PHC1: variants seen among roughly 807,000 people sequenced by gnomAD.
PHC1 encodes polyhomeotic homolog 1, also known as polyhomeotic-like protein 1.
PHC1 carries 12 observed loss-of-function variants against 104.3 expected under a neutral mutation model. The observed-to-expected ratio is 0.12, with a 90% CI of 0.07 to 0.19. The LOEUF is 0.19. PHC1 is among the 10% of genes least tolerant of loss of function. The pLI, the probability that PHC1 is intolerant of heterozygous loss-of-function variation, is 1.00. For synonymous variants in PHC1, 302 were observed against 455.8 expected (o/e 0.66, Z 4.30); for missense variants, 671 against 1,200.0 (o/e 0.56, Z 6.51).
rs959102241 is a variant in PHC1, at chr12:8,919,712, C to T, written c.115-44C>T. 1 of 1,554,292 alleles carries T rather than the reference C, an allele frequency of 6.4e-7. No individual in the cohort carries two copies. The highest frequency in any genetic ancestry group is 8.8e-7 in the Non-Finnish European group (1 of 1,135,452). ...TACAGTGATTTACATAGAATAGGAG[C>T]TAGGAGTGGTCCATTCTAAATGTTT... On this transcript the variant is annotated intron_variant, in intron 2 of 14. Coordinates refer to ENST00000544916, the MANE Select transcript of PHC1 (RefSeq NM_004426.3). The surrounding 1 kb of genome is among the most constrained non-coding windows in gnomAD (Gnocchi z 4.9).
intron 10 of PHC1, among the ~76,000 whole-genome samples, chr12:8,934,813 T>C (rs1945788360): frequency 6.6e-6 from 1 of 152,128 alleles, no homozygotes. Context: ...TGAGGTGTCT[T>C]GACTCCTAGT....
rs1260628721 is a variant in PHC1, at chr12:8,938,847, C to CA, written c.2861-457dup. Reference sequence around the variant, plus strand: ...TTTTGTTGTTGTTGTTGTTTTGAGACAGAGTCTTACTCTGTTGCCCAGGCT... The same window carrying CA: ...TTTTGTTGTTGTTGTTGTTTTGAGACAAGAGTCTTACTCTGTTGCCCAGGCT... On this transcript the variant is annotated intron_variant, in intron 14 of 14. Coordinates refer to ENST00000544916, the MANE Select transcript of PHC1 (RefSeq NM_004426.3). Among the ~76,000 whole-genome samples, 25 of 152,154 alleles carry CA rather than the reference C, an allele frequency of 1.6e-4. No homozygotes were observed. In the East Asian group the frequency reaches 2.1e-3, roughly 13 times the overall value.
rs76350835 is a variant in PHC1, at chr12:8,922,559, T to C, written c.457-74T>C. On this transcript the variant is annotated intron_variant, in intron 5 of 14. Coordinates refer to ENST00000544916, the MANE Select transcript of PHC1 (RefSeq NM_004426.3). ...ATCTTCTGTTTATTTTGTCTTGTGG[T>C]CCTTCCTTTCCATCTCTTCTGTCTC... is the stretch of plus-strand genomic sequence containing the variant. 446 of 1,313,868 alleles carry C rather than the reference T, an allele frequency of 3.4e-4. 1 individual carries two copies. In the African/African-American group the frequency reaches 6.0e-3, roughly 18 times the overall value. 81.4% of individuals were successfully genotyped at this position (1,313,868 alleles called of 1,614,324 possible). A position where few individuals can be genotyped will look rare whatever the true frequency, so the allele number is the denominator to read the frequency against.
In PHC1 at chr12:8,936,905, C is replaced by T. The variant is rs1238288090; in HGVS notation, c.2418C>T (p.Tyr806=). 7 of 1,612,812 alleles carry T rather than the reference C, an allele frequency of 4.3e-6. No individual in the cohort carries two copies. The highest frequency in any genetic ancestry group is 1.1e-5 in the South Asian group (1 of 90,986). ...TGAAGTGCGAGTACTGTGGGAAGTA[C>T]GCCCCCGCAGAGCAGTTTCGTGGCT... ...NLLKCEYCGK[Y]APAEQFRGSK... is the part of the protein sequence containing the mutation. The change falls in exon 12 of 15, where the codon TAC becomes TAT. Residue 806 remains tyrosine, a synonymous_variant. Coordinates refer to ENST00000544916, the MANE Select transcript of PHC1 (RefSeq NM_004426.3).
chr12:8,935,004 G>C (rs746513087), intron 10 of PHC1, 120 bp from the exon 11 acceptor site: 70 of 597,504 alleles, frequency 1.2e-4, no homozygotes, highest in Admixed American at 1.5e-4. Flanking sequence ...CTCTGAACCA[G>C]ACTTGGTCAT....
chr12:8,937,869 A>C lies in PHC1; in HGVS notation c.2669A>C (p.Tyr890Ser). The C allele has an allele frequency of 6.2e-7, 1 of 1,613,270 alleles. No individual in the cohort carries two copies. Among genetic ancestry groups the C allele is most frequent in the Non-Finnish European group, 8.5e-7 (1 of 1,179,288 alleles). ...DSSRGSDNSSYDEALSPTSPG... is the reference protein window; with the variant it reads ...DSSRGSDNSSSDEALSPTSPG... The stretch of plus-strand genomic sequence containing the variant: ...AGCCGGGGTTCAGATAATTCCAGTT[A>C]TGATGAAGCACTCTCTCCAACATCT... Residue 890 changes from tyrosine (Y) to serine (S), a missense_variant, in exon 14 of 15, where the codon TAT (tyrosine) becomes TCT (serine). By Grantham distance (144) the Tyr-to-Ser change is moderately radical (BLOSUM62 -2). Transcript: ENST00000544916.
At chr12:8,938,984 C>T (rs1400211568) in intron 14 of PHC1, among the ~76,000 whole-genome samples, 1 of 152,102 alleles carries the variant, frequency 6.6e-6, no homozygotes, top group Non-Finnish European at 1.5e-5. Context: ...CATCACCATG[C>T]CCAGCTGATT....
chr12:8,938,523 C>T (rs1315180509), intron 14 of PHC1, among the ~76,000 whole-genome samples: 3 of 150,576 alleles, frequency 2.0e-5, no homozygotes, highest in African/African-American at 7.3e-5. Context: ...CTCAAGAGAT[C>T]CTTCTGCCTT....
intron 3 of PHC1, among the ~76,000 whole-genome samples, chr12:8,920,361 A>G (rs1945326727): frequency 6.6e-6 from 1 of 152,214 alleles, no homozygotes; most frequent in Non-Finnish European, 1.5e-5. Context: ...TTATATTTAT[A>G]TTGGATACCT....
At chr12:8,929,623 G>T (rs1345094650) in intron 6 of PHC1, among the ~76,000 whole-genome samples, 1 of 151,556 alleles carries the variant, frequency 6.6e-6, no homozygotes, top group Non-Finnish European at 1.5e-5. Context: ...TGCCTCCCAG[G>T]CTCAAGTGAT....
chr12:8,933,816 T>G (rs1206806489), intron 8 of PHC1, 49 bp from the exon 9 acceptor site: 10 of 1,517,040 alleles, frequency 6.6e-6, no homozygotes, highest in Admixed American at 3.6e-5. Context: ...GGTTCCTTAT[T>G]ATCCTTCATT....
chr12:8,931,048 A>G, intron 7 of PHC1, 121 bp downstream of exon 7: 1 of 988,954 alleles, frequency 1.0e-6, no homozygotes. Flanking sequence ...TGGTCCTTGA[A>G]TAGTGGAAGG....
rs1035669013 is a variant in PHC1, at chr12:8,939,472, G to C, written c.*13G>C. 2.1e-6 allele frequency: 3 copies of C among 1,445,910 alleles called. No homozygotes were observed. The African/African-American group carries it at 4.3e-5, about 21-fold the overall frequency. 89.6% of individuals were successfully genotyped at this position (1,445,910 alleles called of 1,614,324 possible). On this transcript the variant is annotated 3_prime_UTR_variant, in exon 15 of 15. Coordinates refer to ENST00000544916, the MANE Select transcript of PHC1 (RefSeq NM_004426.3). ...CAAGGAGACCTAAGGTGGCCCTCTT[G>C]CACAAACCAGCCTAAGGCAGACACT...
rs1242531261 is a variant in PHC1, at chr12:8,919,725, A to T, written c.115-31A>T. 1.9e-6 allele frequency: 3 copies of T among 1,596,026 alleles called. No homozygotes were observed. The African/African-American group carries it at 4.0e-5, about 21-fold the overall frequency. ...ATAGAATAGGAGCTAGGAGTGGTCC[A>T]TTCTAAATGTTTTATCCTCTCTTTT... On this transcript the variant is annotated intron_variant, in intron 2 of 14. Coordinates refer to ENST00000544916, the MANE Select transcript of PHC1 (RefSeq NM_004426.3). This position sits in a 1 kb window ranked among gnomAD's most constrained non-coding sequence, Gnocchi z 4.9.
chr12:8,924,503 A>G (rs757324771), intron 6 of PHC1, among the ~76,000 whole-genome samples: 1 of 152,240 alleles, frequency 6.6e-6, no homozygotes, highest in Non-Finnish European at 1.5e-5. Context: ...GCTAAACTAA[A>G]TGGTGCTAAC....
At chr12:8,929,462 T>C (rs1945619795) in intron 6 of PHC1, among the ~76,000 whole-genome samples, 1 of 152,162 alleles carries the variant, frequency 6.6e-6, no homozygotes, top group South Asian at 2.1e-4. Flanking sequence ...AATGAAATAT[T>C]TATAATTTCT....
In PHC1 at chr12:8,914,753, G is replaced by A. The variant is rs1268622111; in HGVS notation, c.-123G>A. On this transcript the variant is annotated 5_prime_UTR_variant, in exon 1 of 15. Transcript: ENST00000544916. Reference sequence around the variant, plus strand: ...GGAGGCCGAGCGAGCCCCCAGCCCAGCCTGGCGACTGGGGACCCCGGCACA... The same window carrying A: ...GGAGGCCGAGCGAGCCCCCAGCCCAACCTGGCGACTGGGGACCCCGGCACA... 1 of 153,040 alleles carries A rather than the reference G, an allele frequency of 6.5e-6. No individual in the cohort carries two copies. Among genetic ancestry groups the A allele is most frequent in the Non-Finnish European group, 1.5e-5 (1 of 68,124 alleles). 9.5% of individuals were successfully genotyped at this position (153,040 alleles called of 1,614,324 possible).
At chr12:8,937,054 T>C in intron 12 of PHC1, 90 bp downstream of exon 12, 1 of 1,394,042 alleles carries the variant, frequency 7.2e-7, no homozygotes, top group South Asian at 1.2e-5. Flanking sequence ...TAGCTGATAT[T>C]TTATGTCTCC....
At chr12:8,936,267 A>C in intron 11 of PHC1, among the ~76,000 whole-genome samples, 1 of 152,184 alleles carries the variant, frequency 6.6e-6, no homozygotes, top group East Asian at 1.9e-4. Context: ...TTGTAGTCCC[A>C]GCTACTTGGG....
Sources: allele counts gnomAD v4.1 joint callset (sites outside exome capture counted in the v4.1 genomes callset), GRCh38; gene constraint gnomAD v4.1.1; non-coding constraint Gnocchi (gnomAD v3.1); transcripts MANE v1.5; gene names NCBI Gene and HGNC (gene_info 2026-07-23, HGNC 2026-07-21).